The following POU6F2 variants were observed in gnomAD, a reference collection of about 807,000 sequenced individuals.
POU6F2 encodes POU domain, class 6, transcription factor 2.
A neutral mutation model predicts 71.3 loss-of-function variants in POU6F2; 31 were observed. The ratio of observed to expected loss-of-function variants is 0.43; its 90% CI spans 0.33 to 0.59. POU6F2 has a LOEUF of 0.59. Among genes scored for constraint, POU6F2 ranks in the 20% least tolerant of loss-of-function variants. POU6F2 has a pLI of 0.04. For synonymous variants in POU6F2, 347 were observed against 355.7 expected, an observed-to-expected ratio of 0.98 and a Z score of 0.27; for missense variants, 783 against 856.8, an observed-to-expected ratio of 0.91 and a Z score of 1.07.
At chr7:39,241,385 A>T (rs1437910205) in intron 4 of POU6F2, among the ~76,000 whole-genome samples, 1 of 152,190 alleles carries the variant, frequency 6.6e-6, no homozygotes, top group Non-Finnish European at 1.5e-5. Flanking sequence ...AAAAAGTCAG[A>T]TGTTAAAATG....
chr7:39,426,816 C>T (rs1042084901), intron 6 of POU6F2, among the ~76,000 whole-genome samples: 3 of 152,184 alleles, frequency 2.0e-5, no homozygotes, highest in African/African-American at 7.2e-5. Context: ...TGTCTATCCT[C>T]TTTGTCAAGG....
At chr7:39,096,826 G>A (rs192994442) in intron 2 of POU6F2, among the ~76,000 whole-genome samples, 206 of 152,230 alleles carry the variant, frequency 1.4e-3, no homozygotes, top group African/African-American at 4.6e-3. Flanking sequence ...ATGTTTGAAC[G>A]TTTAGCAAGT....
In POU6F2 at chr7:39,467,937, A is replaced by C. The variant is rs1189096881; in HGVS notation, c.*3251A>C. ...ATGTTGCTGACAATCTCGCAATACT[A>C]AACTGTTCCTATTTTAAGAAAAAAA... On this transcript the variant is annotated 3_prime_UTR_variant, in exon 10 of 10. Coordinates refer to ENST00000518318, the MANE Select transcript of POU6F2 (RefSeq NM_001370959.1). 6.6e-6 allele frequency: 1 copy of C among 152,194 alleles called. No homozygotes were observed. Among genetic ancestry groups the C allele is most frequent in the Non-Finnish European group, 1.5e-5 (1 of 68,040 alleles). The allele number at this position is 152,194 out of a possible 1,614,324, so 9.4% of individuals were successfully genotyped here. A position where few individuals can be genotyped will look rare whatever the true frequency, so the allele number is the denominator to read the frequency against.
intron 2 of POU6F2, among the ~76,000 whole-genome samples, chr7:39,101,271 G>A (rs1241303017): frequency 4.0e-5 from 6 of 151,504 alleles, no homozygotes; most frequent in East Asian, 1.9e-4. Context: ...ACGGGGTTTC[G>A]CCATGTTGGC....
At chr7:39,228,501 T>C (rs1487264807) in intron 4 of POU6F2, among the ~76,000 whole-genome samples, 2 of 152,212 alleles carry the variant, frequency 1.3e-5, no homozygotes, top group East Asian at 1.9e-4. Flanking sequence ...TCCTGTCATT[T>C]CTGCTGCATA....
intron 4 of POU6F2, among the ~76,000 whole-genome samples, chr7:39,313,393 T>C (rs1426948400): frequency 6.6e-6 from 1 of 152,132 alleles, no homozygotes; most frequent in Admixed American, 6.6e-5. Flanking sequence ...TTGATTTTTC[T>C]CCTTGGCAAT....
chr7:39,339,085 A>ATT (rs1321376526), intron 4 of POU6F2, among the ~76,000 whole-genome samples: 2 of 151,260 alleles, frequency 1.3e-5, no homozygotes, highest in South Asian at 4.2e-4. Flanking sequence ...GAATTTTTAA[A>ATT]AAAAAAAAAA....
intron 1 of POU6F2, among the ~76,000 whole-genome samples, chr7:39,025,885 A>T (rs1789789021): frequency 6.6e-6 from 1 of 152,024 alleles, no homozygotes; most frequent in Non-Finnish European, 1.5e-5. Flanking sequence ...TCTACAATGA[A>T]CTCAAACAAA....
intron 2 of POU6F2, among the ~76,000 whole-genome samples, chr7:39,158,368 G>A (rs760551766): frequency 1.3e-5 from 2 of 152,152 alleles, no homozygotes; most frequent in African/African-American, 2.4e-5. Flanking sequence ...AAATGCCAAG[G>A]AATTTAGATA....
At chr7:39,324,099 C>T (rs1057281826) in intron 4 of POU6F2, among the ~76,000 whole-genome samples, 3 of 122,146 alleles carry the variant, frequency 2.5e-5, no homozygotes, top group Non-Finnish European at 3.4e-5. Flanking sequence ...AAGAGCAAAA[C>T]TACATCTCAA....
chr7:39,164,565 G>A (rs975509221), intron 2 of POU6F2, among the ~76,000 whole-genome samples: 2 of 151,558 alleles, frequency 1.3e-5, no homozygotes, highest in Non-Finnish European at 2.9e-5. Context: ...TTTGTGCTGG[G>A]TGCAGTGTCA....
intron 1 of POU6F2, among the ~76,000 whole-genome samples, chr7:39,042,075 AG>A (rs1456046055): frequency 1.3e-5 from 2 of 152,080 alleles, no homozygotes; most frequent in East Asian, 3.9e-4. Context: ...AGCATGTGGG[AG>A]GAACAGAGGG....
intron 4 of POU6F2, among the ~76,000 whole-genome samples, chr7:39,298,725 A>G (rs1784898239): frequency 6.6e-6 from 1 of 152,198 alleles, no homozygotes; most frequent in Admixed American, 6.5e-5. Context: ...TAGCAGCACT[A>G]TTTACAATAA....
intron 2 of POU6F2, among the ~76,000 whole-genome samples, chr7:39,101,107 CCT>C: frequency 6.8e-6 from 1 of 148,128 alleles, no homozygotes; most frequent in South Asian, 2.1e-4. Context: ...GAGTTTTGCT[CCT>C]GTCACCCAGG....
At chr7:39,321,181 G>C (rs1785382881) in intron 4 of POU6F2, among the ~76,000 whole-genome samples, 1 of 152,190 alleles carries the variant, frequency 6.6e-6, no homozygotes, top group African/African-American at 2.4e-5. Flanking sequence ...TCAGACCACA[G>C]GTTACTGAAA....
chr7:39,034,870 T>C (rs1331673615), intron 1 of POU6F2, among the ~76,000 whole-genome samples: 30 of 152,002 alleles, frequency 2.0e-4, no homozygotes, highest in Admixed American at 2.0e-3. Context: ...GGATGCCGAG[T>C]TCTCTGTTTA....
intron 4 of POU6F2, among the ~76,000 whole-genome samples, chr7:39,335,538 A>G (rs1785752292): frequency 6.6e-6 from 1 of 152,190 alleles, no homozygotes; most frequent in East Asian, 1.9e-4. Context: ...TCATCATTAC[A>G]AATAATCCTG....
chr7:39,075,942 T>A (rs556168708), intron 1 of POU6F2, among the ~76,000 whole-genome samples: 6 of 152,352 alleles, frequency 3.9e-5, no homozygotes, highest in Admixed American at 2.6e-4. Flanking sequence ...CATTCTTCCA[T>A]CTTGTCCTGT....
At chr7:38,996,443 A>G (rs1788741284) in intron 1 of POU6F2, among the ~76,000 whole-genome samples, 1 of 151,978 alleles carries the variant, frequency 6.6e-6, no homozygotes, top group African/African-American at 2.4e-5. Flanking sequence ...AGAAAGAGTC[A>G]TTCCCAAGGT....
Sources: gnomAD v4.1 joint callset for allele counts (sites outside exome capture counted in the v4.1 genomes callset) on GRCh38, gnomAD v4.1.1 for gene constraint, MANE v1.5 for transcripts, NCBI Gene and HGNC (gene_info 2026-07-23, HGNC 2026-07-21) for gene names.